CENPE: variants seen among roughly 807,000 people sequenced by gnomAD.
CENPE encodes the protein centromere-associated protein E.
In CENPE, 145 loss-of-function variants were observed where a neutral mutation model predicts 336.1. The observed-to-expected ratio is 0.43, with a 90% CI of 0.38 to 0.50. The LOEUF (loss-of-function observed/expected upper bound fraction) is 0.50, where lower values mean the gene tolerates loss of function less well. Ranked by LOEUF, CENPE falls within the 20% of genes least tolerant of loss-of-function variation. The pLI, the probability that CENPE is intolerant of heterozygous loss-of-function variation, is 0.00. For synonymous variants in CENPE, 1,013 were observed against 984.8 expected, an observed-to-expected ratio of 1.03 and a Z score of -0.54; for missense variants, 2,719 against 3,023.3, an observed-to-expected ratio of 0.90 and a Z score of 2.36.
At chr4:103,184,924 G>A (rs183766229) in intron 9 of CENPE, among the ~76,000 whole-genome samples, 1 of 152,126 alleles carries the variant, frequency 6.6e-6, no homozygotes, top group Non-Finnish European at 1.5e-5. Flanking sequence ...ACAGAGGCCT[G>A]ATATCCTTGT....
intron 13 of CENPE, 73 bp downstream of exon 13, chr4:103,180,238 A>G: frequency 7.3e-7 from 1 of 1,378,384 alleles, no homozygotes; most frequent in South Asian, 1.4e-5. Flanking sequence ...AGTGCATACT[A>G]TATAATAAAC....
In CENPE at chr4:103,180,320, C is replaced by T. The variant is rs1189321701; in HGVS notation, c.1233G>A (p.Gln411=). 3 of 1,609,360 alleles carry T rather than the reference C, an allele frequency of 1.9e-6. No homozygotes were observed. The highest frequency in any genetic ancestry group is 1.7e-6 in the Non-Finnish European group (2 of 1,177,572). The change falls in exon 13 of 49, where the codon CAG becomes CAA. Residue 411 remains glutamine, a synonymous_variant. Transcript: ENST00000265148. ...CATCTTTTAATTTTACCTTTAATTC[C>T]TGTTGCAACGTGAGGGAAGAAGAGG... ...LVTSSSLTLQ[Q]ELKAKRKRRV...
chr4:103,143,608 C>T (rs1206797106), intron 33 of CENPE, among the ~76,000 whole-genome samples: 1 of 151,560 alleles, frequency 6.6e-6, no homozygotes. Flanking sequence ...ACACTTCACC[C>T]TTCAAATCAG....
intron 46 of CENPE, among the ~76,000 whole-genome samples, chr4:103,112,538 A>G (rs1175106534): frequency 1.4e-5 from 2 of 143,030 alleles, no homozygotes; most frequent in East Asian, 4.1e-4. Context: ...ACATATATAC[A>G]CTTATAAGTA....
chr4:103,122,262 A>T (rs1483954872), intron 43 of CENPE, among the ~76,000 whole-genome samples: 1 of 152,206 alleles, frequency 6.6e-6, no homozygotes. Context: ...ATTGTAATTT[A>T]CTATTGGGTT....
chr4:103,182,964 C>T (rs181243866), intron 10 of CENPE, 73 bp from the exon 11 acceptor site: 19 of 1,437,492 alleles, frequency 1.3e-5, no homozygotes, highest in Admixed American at 4.0e-5. Context: ...GTTTTTAATG[C>T]AGAACTCTTA....
intron 47 of CENPE, 44 bp downstream of exon 47, chr4:103,110,784 A>G: frequency 6.9e-7 from 1 of 1,442,076 alleles, no homozygotes; most frequent in Non-Finnish European, 9.3e-7. Context: ...ACATATATGT[A>G]ATAGCCGTAA....
At chr4:103,125,708 TACA>T (rs1751028391) in intron 42 of CENPE, among the ~76,000 whole-genome samples, 1 of 150,584 alleles carries the variant, frequency 6.6e-6, no homozygotes, top group Non-Finnish European at 1.5e-5. Flanking sequence ...CTAAAAAAAA[TACA>T]AAAATTAGCT....
chr4:103,116,517 T>G (rs554635645), intron 45 of CENPE, 60 bp downstream of exon 45: 10 of 752,826 alleles, frequency 1.3e-5, no homozygotes, highest in Non-Finnish European at 1.9e-5. Context: ...GAAAAGTATA[T>G]GTAGTTTAGG....
chr4:103,188,886 A>G (rs991962479), intron 8 of CENPE, among the ~76,000 whole-genome samples: 4 of 152,198 alleles, frequency 2.6e-5, no homozygotes, highest in Non-Finnish European at 5.9e-5. Flanking sequence ...CAAAATTGAT[A>G]GACCGCTAGC....
chr4:103,137,436 G>A (rs1409528019), intron 39 of CENPE, among the ~76,000 whole-genome samples: 1 of 152,064 alleles, frequency 6.6e-6, no homozygotes, highest in African/African-American at 2.4e-5. Context: ...ATAAAACAAG[G>A]GCGTTCTCAC....
At chr4:103,140,695 T>C (rs960886881) in intron 36 of CENPE, 119 bp downstream of exon 36, 9 of 744,932 alleles carry the variant, frequency 1.2e-5, no homozygotes, top group African/African-American at 7.2e-5. Flanking sequence ...TGCCTTATTA[T>C]TGGTGGACAC....
At chr4:103,195,077 C>A in intron 5 of CENPE, 37 bp downstream of exon 5, 1 of 1,525,428 alleles carries the variant, frequency 6.6e-7, no homozygotes, top group Non-Finnish European at 8.8e-7. Flanking sequence ...CTCAATAAGT[C>A]AGTCAATTTT....
At position 103,161,554 on chromosome 4, in the gene CENPE, C is replaced by A. The variant is rs561822450; in HGVS notation, c.1843-97G>T. 2 of 1,049,032 alleles carry A rather than the reference C, an allele frequency of 1.9e-6. No individual in the cohort carries two copies. Among genetic ancestry groups the A allele is most frequent in the East Asian group, 5.5e-5 (2 of 36,132 alleles). The allele number at this position is 1,049,032 out of a possible 1,614,324, so 65.0% of individuals were successfully genotyped here. On this transcript the variant is annotated intron_variant, in intron 18 of 48. Transcript: ENST00000265148. ...TATATAAATGTTAACTCTAGCTAATCAAAAAGCGTACAAATATGCTAGTTA... is the reference window on the plus strand; with the variant it reads ...TATATAAATGTTAACTCTAGCTAATAAAAAAGCGTACAAATATGCTAGTTA...
intron 35 of CENPE, 145 bp from the exon 36 acceptor site, chr4:103,141,249 AG>A: frequency 1.7e-6 from 1 of 581,900 alleles, no homozygotes. Flanking sequence ...CTTTCTTTTG[AG>A]GTATAATATA....
intron 8 of CENPE, among the ~76,000 whole-genome samples, chr4:103,188,814 G>A (rs1217793602): frequency 6.6e-6 from 1 of 152,262 alleles, no homozygotes; most frequent in Non-Finnish European, 1.5e-5. Context: ...GAAGGAGACA[G>A]AGACACAAAA....
chr4:103,154,024 C>G (rs182052112), intron 24 of CENPE, among the ~76,000 whole-genome samples: 1 of 152,062 alleles, frequency 6.6e-6, no homozygotes, highest in Non-Finnish European at 1.5e-5. Flanking sequence ...TAACCTAATA[C>G]GTGAACTTAT....
In CENPE at chr4:103,162,316, T is replaced by TA. The variant is rs371563018; in HGVS notation, c.1842+820dup. 5.9e-4 allele frequency among the ~76,000 whole-genome samples: 87 copies of TA among 146,792 alleles called. 1 individual carries two copies. The South Asian group carries it at 0.016, about 27-fold the overall frequency. On this transcript the variant is annotated intron_variant, in intron 18 of 48. Transcript: ENST00000265148. ...AAGTTCCAGCTAGAAACTGTTATCA[T>TA]AAAAAAAAAAGTATTAAAAACTGGA...
At chr4:103,128,613 A>G (rs1751328843) in intron 42 of CENPE, among the ~76,000 whole-genome samples, 1 of 152,246 alleles carries the variant, frequency 6.6e-6, no homozygotes, top group Admixed American at 6.5e-5. Context: ...TTTAAAAAAT[A>G]CATTTCTAAA....
Sources: allele counts gnomAD v4.1 joint callset (sites outside exome capture counted in the v4.1 genomes callset), GRCh38; gene constraint gnomAD v4.1.1; transcripts MANE v1.5; gene names NCBI Gene and HGNC (gene_info 2026-07-23, HGNC 2026-07-21).